The following SLC4A8 variants were observed in gnomAD, a reference collection of about 807,000 sequenced individuals.
SLC4A8 encodes electroneutral sodium bicarbonate exchanger 1.
Under a neutral mutation model 125.0 loss-of-function variants are expected in SLC4A8, and 40 were observed. That is an observed-to-expected ratio of 0.32 (90% CI 0.25 to 0.42). The LOEUF is 0.42. Ranked by LOEUF, SLC4A8 falls within the 10% of genes least tolerant of loss-of-function variation. The pLI is 1.00. For synonymous variants in SLC4A8, 456 were observed against 476.0 expected (o/e 0.96, Z 0.55); for missense variants, 863 against 1,355.1 (o/e 0.64, Z 5.70).
At chr12:51,492,307 A>G (rs1013595015) in intron 19 of SLC4A8, among the ~76,000 whole-genome samples, 9 of 152,018 alleles carry the variant, frequency 5.9e-5, no homozygotes, top group African/African-American at 2.2e-4. Flanking sequence ...TGTACCACAA[A>G]TGCCCTTCAA....
Position 51,446,019 on chromosome 12 carries a change from T to A in SLC4A8, c.131-4857T>A, listed in dbSNP as rs147999320. ...CAGGGATTTCATTAACATACTATAA[T>A]GGAACATAATGAGTTAACAAATTGT... is the stretch of plus-strand genomic sequence containing the variant. On this transcript the variant is annotated intron_variant, in intron 2 of 24. Coordinates refer to ENST00000453097, the MANE Select transcript of SLC4A8 (RefSeq NM_001039960.3). Among the ~76,000 whole-genome samples, 4 of 152,290 alleles carry A rather than the reference T, an allele frequency of 2.6e-5. No homozygotes were observed. In the East Asian group the frequency reaches 7.7e-4, roughly 29 times the overall value.
rs778367889 is a variant in SLC4A8, at chr12:51,470,482, G to C, written c.1615G>C (p.Gly539Arg). The C allele has an allele frequency of 6.2e-7, 1 of 1,613,558 alleles. No individual in the cohort carries two copies. Among genetic ancestry groups the C allele is most frequent in the African/African-American group, 1.3e-5 (1 of 74,914 alleles). The change falls in exon 13 of 25, where the codon GGA becomes CGA. Residue 539 changes from glycine (G) to arginine (R), a missense_variant. This residue lies in a region of SLC4A8 where 390 missense variants were observed against 634.4 expected (regional missense o/e 0.61). Transcript: ENST00000453097. ...GQALTILGSTGPVLVFEKILF... is the reference protein window; with the variant it reads ...GQALTILGSTRPVLVFEKILF... ...GGCTCTCACCATCCTGGGAAGTACT[G>C]GACCAGTGCTTGTGTTTGAAAAGAT...
chr12:51,409,780 T>C (rs1429955266), intron 1 of SLC4A8, among the ~76,000 whole-genome samples: 1 of 152,228 alleles, frequency 6.6e-6, no homozygotes, highest in Non-Finnish European at 1.5e-5. Context: ...GTCTGGCTGC[T>C]CGCTGCCTGA....
intron 21 of SLC4A8, among the ~76,000 whole-genome samples, chr12:51,496,101 A>G (rs1951453387): frequency 1.3e-5 from 2 of 152,170 alleles, no homozygotes; most frequent in African/African-American, 2.4e-5. Flanking sequence ...CAGGCTACAT[A>G]TAAGGGTTTG....
intron 6 of SLC4A8, 51 bp downstream of exon 6, chr12:51,457,590 T>C (rs1160643304): frequency 1.3e-6 from 2 of 1,519,754 alleles, no homozygotes; most frequent in Admixed American, 1.8e-5. Context: ...CATTGGGAAC[T>C]AGTTGGAGAT....
chr12:51,493,515 T>G (rs1951375862), intron 19 of SLC4A8, among the ~76,000 whole-genome samples, 189 bp from the exon 20 acceptor site: 1 of 152,142 alleles, frequency 6.6e-6, no homozygotes, highest in Admixed American at 6.5e-5. Context: ...ACCAAATGAT[T>G]TTTATCATTG....
intron 1 of SLC4A8, among the ~76,000 whole-genome samples, chr12:51,401,659 C>T (rs956429433): frequency 2.0e-5 from 3 of 152,166 alleles, no homozygotes; most frequent in Non-Finnish European, 4.4e-5. Flanking sequence ...TTTTTATAGG[C>T]ACAGGATAGG....
intron 1 of SLC4A8, among the ~76,000 whole-genome samples, chr12:51,436,490 A>T (rs1458209676): frequency 6.6e-6 from 1 of 152,202 alleles, no homozygotes; most frequent in Non-Finnish European, 1.5e-5. Flanking sequence ...TTATTTACAA[A>T]ATAAGGCATA....
At chr12:51,407,851 T>C (rs1948519248) in intron 1 of SLC4A8, 2 of 152,386 alleles carry the variant, frequency 1.3e-5, no homozygotes, top group Non-Finnish European at 1.5e-5. Context: ...AGCATGTTTA[T>C]TGTCTCACAG....
chr12:51,438,255 CT>C (rs1242468011), intron 1 of SLC4A8, among the ~76,000 whole-genome samples: 1 of 151,848 alleles, frequency 6.6e-6, no homozygotes, highest in African/African-American at 2.4e-5. Flanking sequence ...ATTTTTTATC[CT>C]TTAGCAAATC....
intron 19 of SLC4A8, among the ~76,000 whole-genome samples, chr12:51,492,749 T>C (rs1311529859): frequency 1.3e-5 from 2 of 152,212 alleles, no homozygotes; most frequent in Admixed American, 1.3e-4. Context: ...GGTATACATG[T>C]GCCATGGTGG....
rs753313860 is a variant in SLC4A8 at position 51,507,451 on chromosome 12, G to A, written c.*13G>A. On this transcript the variant is annotated 3_prime_UTR_variant, in exon 25 of 25. Coordinates refer to ENST00000453097, the MANE Select transcript of SLC4A8 (RefSeq NM_001039960.3). ...TCTCTTCAACTAAGAGTCTTTGCTG[G>A]GATGGAAGATTTGGGCCGTGTGGTG... 2.2e-6 allele frequency: 3 copies of A among 1,390,726 alleles called. No homozygotes were observed. Among genetic ancestry groups the A allele is most frequent in the Middle Eastern group, 1.9e-4 (1 of 5,246 alleles). The allele number at this position is 1,390,726 out of a possible 1,614,324, so 86.1% of individuals were successfully genotyped here.
rs760925106 is a variant in SLC4A8, at chr12:51,450,992, G to C, written c.247G>C (p.Gly83Arg). The C allele has an allele frequency of 9.6e-6, 15 of 1,557,544 alleles. No homozygotes were observed. In the Admixed American group the frequency reaches 1.9e-4, roughly 20 times the overall value. The part of the protein sequence containing the change: ...RRGRGKGASQ[G>R]EEGLEALAHD... ...AGGGCGGGGCAAAGGAGCCAGCCAG[G>C]GGGAGGAAGGCCTGGAAGCCCTGGC... Residue 83 changes from glycine to arginine, a missense_variant, in exon 3 of 25, where the codon GGG (glycine) becomes CGG (arginine). By Grantham distance (125) the Gly-to-Arg change is moderately radical. Transcript: ENST00000453097.
intron 2 of SLC4A8, among the ~76,000 whole-genome samples, chr12:51,449,435 G>GAAA (rs57867396): frequency 6.9e-6 from 1 of 144,734 alleles, no homozygotes; most frequent in Non-Finnish European, 1.5e-5. Context: ...AAAAAGAAAG[G>GAAA]AAAAAAAAAA....
intron 16 of SLC4A8, among the ~76,000 whole-genome samples, chr12:51,481,440 T>G (rs976058364): frequency 6.6e-6 from 1 of 152,170 alleles, no homozygotes; most frequent in African/African-American, 2.4e-5. Flanking sequence ...AAATCTTAAT[T>G]CAGCTAGAGT....
chr12:51,480,401 A>G (rs912147400), intron 16 of SLC4A8: 54 of 1,124,474 alleles, frequency 4.8e-5, no homozygotes, highest in Middle Eastern at 8.3e-4. Flanking sequence ...TGCAGGCAAT[A>G]TTATCTGTGA....
intron 8 of SLC4A8, among the ~76,000 whole-genome samples, 187 bp from the exon 9 acceptor site, chr12:51,461,017 A>G (rs1950308424): frequency 6.6e-6 from 1 of 152,118 alleles, no homozygotes; most frequent in Non-Finnish European, 1.5e-5. Context: ...TCCAATGCCC[A>G]TAGTGGAGCT....
chr12:51,495,773 C>T lies in SLC4A8; in HGVS notation c.2943+655C>T, dbSNP rs535405291. 5.0e-3 allele frequency among the ~76,000 whole-genome samples: 761 copies of T among 152,074 alleles called. 2 individuals are homozygous for T. The highest frequency in any genetic ancestry group is 0.017 in the African/African-American group (725 of 41,478). Reference sequence around the variant, plus strand: ...CTGGGATTACAGACATGAGCCACTGCGCCCAGCTTGTGACTGGCTAATTTC... The same window carrying T: ...CTGGGATTACAGACATGAGCCACTGTGCCCAGCTTGTGACTGGCTAATTTC... On this transcript the variant is annotated intron_variant, in intron 21 of 24. Transcript: ENST00000453097.
intron 13 of SLC4A8, among the ~76,000 whole-genome samples, chr12:51,470,859 G>GT (rs564827479): frequency 2.4e-4 from 31 of 129,482 alleles, no homozygotes; most frequent in East Asian, 1.0e-3. Flanking sequence ...TCCCCCTGCT[G>GT]TTTTTTTTTG....
Sources: gnomAD v4.1 joint callset for allele counts (sites outside exome capture counted in the v4.1 genomes callset) on GRCh38, gnomAD v4.1.1 for gene constraint, gnomAD v4.1.1 regional missense constraint, MANE v1.5 for transcripts, NCBI Gene and HGNC (gene_info 2026-07-23, HGNC 2026-07-21) for gene names.